The following DACH1 variants were observed in gnomAD, a reference collection of about 807,000 sequenced individuals.
The protein encoded by DACH1 is dachshund family transcription factor 1.
In DACH1, 12 loss-of-function variants were observed where a neutral mutation model predicts 54.2. The observed-to-expected ratio is 0.22, with a 90% confidence interval of 0.14 to 0.36. The LOEUF (loss-of-function observed/expected upper bound fraction) is 0.36, where lower values mean the gene tolerates loss of function less well. Among genes scored for constraint, DACH1 ranks in the 10% least tolerant of loss-of-function variants. DACH1 has a pLI of 1.00. For synonymous variants in DACH1, 386 were observed against 366.2 expected, an observed-to-expected ratio of 1.05 and a Z score of -0.62; for missense variants, 805 against 929.8, an observed-to-expected ratio of 0.87 and a Z score of 1.75.
chr13:71,616,830 G>A (rs1318154675), intron 3 of DACH1, among the ~76,000 whole-genome samples: 1 of 151,116 alleles, frequency 6.6e-6, no homozygotes, highest in East Asian at 1.9e-4. Context: ...GAGAGAGAGA[G>A]AGAATTATGA....
At chr13:71,675,130 A>T in intron 2 of DACH1, 7 of 1,582,884 alleles carry the variant, frequency 4.4e-6, no homozygotes, top group Non-Finnish European at 6.1e-6. Context: ...GTAACTGGCT[A>T]CAAAAGCCGC....
intron 1 of DACH1, among the ~76,000 whole-genome samples, chr13:71,800,145 G>A (rs1887232688): frequency 1.3e-5 from 2 of 151,984 alleles, no homozygotes; most frequent in South Asian, 4.1e-4. Context: ...TTTATAAAAA[G>A]CGAAAGTTGG....
At chr13:71,783,686 T>C (rs943144785) in intron 1 of DACH1, among the ~76,000 whole-genome samples, 3 of 152,012 alleles carry the variant, frequency 2.0e-5, no homozygotes, top group African/African-American at 4.8e-5. Context: ...AGAGGAGTGA[T>C]TGAAATTTAA....
intron 10 of DACH1, among the ~76,000 whole-genome samples, chr13:71,473,919 G>T (rs1002803108): frequency 1.3e-5 from 2 of 152,102 alleles, no homozygotes; most frequent in African/African-American, 4.8e-5. Flanking sequence ...TTGAACATGT[G>T]TATGTAAGTT....
intron 1 of DACH1, among the ~76,000 whole-genome samples, chr13:71,779,196 C>CACATATATATATACACAT (rs1566494872): frequency 1.4e-4 from 17 of 117,714 alleles, no homozygotes; most frequent in Non-Finnish European, 2.4e-4. Context: ...TACGTATATA[C>CACATATATATATACACAT]GTATATATGT....
At chr13:71,557,202 C>T in intron 5 of DACH1, 44 bp from the exon 6 acceptor site, 1 of 1,554,340 alleles carries the variant, frequency 6.4e-7, no homozygotes, top group Non-Finnish European at 8.7e-7. Flanking sequence ...AACACAAAAA[C>T]ACCATAACAC....
intron 1 of DACH1, among the ~76,000 whole-genome samples, chr13:71,774,051 A>C (rs1471441729): frequency 6.6e-6 from 1 of 151,704 alleles, no homozygotes; most frequent in Non-Finnish European, 1.5e-5. Flanking sequence ...AAATGTTTTT[A>C]ATAAACAAAT....
chr13:71,823,205 AAAGAT>A (rs1442868080), intron 1 of DACH1, among the ~76,000 whole-genome samples: 1 of 152,164 alleles, frequency 6.6e-6, no homozygotes, highest in Non-Finnish European at 1.5e-5. Flanking sequence ...TGCAAGCTGT[AAAGAT>A]AAGACAGCAA....
intron 1 of DACH1, among the ~76,000 whole-genome samples, chr13:71,826,886 C>T (rs1399163881): frequency 6.6e-6 from 1 of 151,960 alleles, no homozygotes; most frequent in African/African-American, 2.4e-5. Flanking sequence ...TCTTCATTTA[C>T]TATTAGCTGG....
intron 1 of DACH1, among the ~76,000 whole-genome samples, chr13:71,822,091 A>G (rs1250949495): frequency 6.6e-6 from 1 of 152,102 alleles, no homozygotes; most frequent in African/African-American, 2.4e-5. Flanking sequence ...AGACACTGAA[A>G]CCAGCAAAAT....
In DACH1 at chr13:71,780,577, C is replaced by G. The variant is rs74486149; in HGVS notation, c.848+85345G>C. On this transcript the variant is annotated intron_variant, in intron 1 of 10. Coordinates refer to ENST00000613252, the MANE Select transcript of DACH1 (RefSeq NM_080759.6). ...AAAATCTACTCTTGAACCTGGGAGA[C>G]GGAGGTTGCAGTGAGCCAAGACTAC... 1.3e-4 allele frequency among the ~76,000 whole-genome samples: 20 copies of G among 151,116 alleles called. 1 individual carries two copies. The South Asian group carries it at 4.0e-3, about 30-fold the overall frequency.
At chr13:71,558,888 A>G (rs765400908) in intron 5 of DACH1, among the ~76,000 whole-genome samples, 6 of 152,040 alleles carry the variant, frequency 3.9e-5, no homozygotes, top group Non-Finnish European at 8.8e-5. Context: ...ATAACCTATA[A>G]AGTGACTTTC....
chr13:71,653,661 G>A (rs1200227700), intron 2 of DACH1, among the ~76,000 whole-genome samples: 2 of 152,128 alleles, frequency 1.3e-5, no homozygotes, highest in Non-Finnish European at 2.9e-5. Flanking sequence ...GCCTAGGTTT[G>A]AATCTCTCCC....
chr13:71,557,216 A>G, intron 5 of DACH1, 58 bp from the exon 6 acceptor site: 1 of 1,501,706 alleles, frequency 6.7e-7, no homozygotes, highest in South Asian at 1.3e-5. Flanking sequence ...ATAACACACA[A>G]GGTTCCAATA....
chr13:71,748,845 TC>T, intron 1 of DACH1, among the ~76,000 whole-genome samples: 1 of 27,732 alleles, frequency 3.6e-5, no homozygotes, highest in Non-Finnish European at 1.4e-4. Flanking sequence ...ATATTTTTTC[TC>T]TTTCTTTCTT....
chr13:71,698,551 CA>C (rs1392976983), intron 1 of DACH1, among the ~76,000 whole-genome samples: 15 of 151,546 alleles, frequency 9.9e-5, no homozygotes, highest in African/African-American at 3.4e-4. Flanking sequence ...AGAGAATATG[CA>C]AAAATAAAAC....
At chr13:71,806,244 T>C (rs1887497305) in intron 1 of DACH1, among the ~76,000 whole-genome samples, 2 of 152,236 alleles carry the variant, frequency 1.3e-5, no homozygotes, top group South Asian at 4.1e-4. Context: ...AATGTCGTTC[T>C]AGATTATTTT....
chr13:71,614,556 C>T (rs761699600), intron 3 of DACH1, among the ~76,000 whole-genome samples: 2 of 151,886 alleles, frequency 1.3e-5, no homozygotes, highest in Non-Finnish European at 2.9e-5. Flanking sequence ...ATAAAAATGC[C>T]AAAACTAGGG....
intron 1 of DACH1, among the ~76,000 whole-genome samples, chr13:71,726,353 C>T (rs998744267): frequency 2.6e-5 from 4 of 152,088 alleles, no homozygotes; most frequent in African/African-American, 9.7e-5. Flanking sequence ...GTTGAAACAA[C>T]TGATGAGTAT....
Sources: allele counts gnomAD v4.1 joint callset (sites outside exome capture counted in the v4.1 genomes callset), GRCh38; gene constraint gnomAD v4.1.1; transcripts MANE v1.5; gene names NCBI Gene and HGNC (gene_info 2026-07-23, HGNC 2026-07-21).